The following ULK2 variants were observed in gnomAD, a reference collection of about 807,000 sequenced individuals.
The protein encoded by ULK2 is serine/threonine-protein kinase ULK2.
ULK2 carries 76 observed loss-of-function variants against 127.5 expected under a neutral mutation model. The ratio of observed to expected loss-of-function variants is 0.60; its 90% CI spans 0.50 to 0.72. The LOEUF (loss-of-function observed/expected upper bound fraction) is 0.72, where lower values mean the gene tolerates loss of function less well. Among genes scored for constraint, ULK2 ranks in the 30% least tolerant of loss-of-function variants. The probability of loss-of-function intolerance (pLI) is 0.00; values close to 1 mark genes in which losing one functional copy is unlikely to be tolerated. For synonymous variants in ULK2, 452 were observed against 461.9 expected (o/e 0.98, Z 0.28); for missense variants, 1,144 against 1,295.9 (o/e 0.88, Z 1.80).
In ULK2 at chr17:19,804,204, G is replaced by A. The variant is rs2152387079; in HGVS notation, c.1295+489C>T. 2.7e-5 allele frequency among the ~76,000 whole-genome samples: 4 copies of A among 149,188 alleles called. No homozygotes were observed. The Admixed American group carries it at 2.7e-4, about 10-fold the overall frequency. ...TCAAGACCAGCCTGGTCAATGTAGT[G>A]AGACCCCGTCTCTAAAAGCACAAAA... On this transcript the variant is annotated intron_variant, in intron 15 of 26. Coordinates refer to ENST00000395544, the MANE Select transcript of ULK2 (RefSeq NM_014683.4).
intron 25 of ULK2, among the ~76,000 whole-genome samples, chr17:19,780,193 A>G (rs1043149081): frequency 1.3e-5 from 2 of 152,036 alleles, no homozygotes; most frequent in Non-Finnish European, 2.9e-5. Flanking sequence ...AAAAAGAAAA[A>G]AAAAAGATTA....
chr17:19,787,718 T>C (rs983720493), intron 20 of ULK2, among the ~76,000 whole-genome samples: 2 of 152,122 alleles, frequency 1.3e-5, no homozygotes, highest in African/African-American at 4.8e-5. Context: ...TCCCAAAAAT[T>C]TGCACACAAT....
chr17:19,780,506 G>A lies in ULK2; in HGVS notation c.2882C>T (p.Ala961Val), dbSNP rs758211181. 2 of 1,613,304 alleles carry A rather than the reference G, an allele frequency of 1.2e-6. No homozygotes were observed. The highest frequency in any genetic ancestry group is 3.3e-5 in the Admixed American group (2 of 59,896). ...AGCACAATTATAGATGAGTTTCTCT[G>A]CAGTCACACTGTTGATTTCATCAAT... ...RFIDEINSVT[A>V]EKLIYNCAVE... is the part of the protein sequence containing the mutation. The change falls in exon 25 of 27, where the codon GCA becomes GTA. Residue 961 changes from alanine (A) to valine (V), a missense_variant. Coordinates refer to ENST00000395544, the MANE Select transcript of ULK2 (RefSeq NM_014683.4).
At chr17:19,865,857 G>C (rs369723646) in intron 1 of ULK2, 29 bp from the exon 2 acceptor site, 8 of 1,339,230 alleles carry the variant, frequency 6.0e-6, no homozygotes, top group African/African-American at 5.9e-5. Context: ...GTTACTCCTA[G>C]ATACCATTCC....
intron 5 of ULK2, 100 bp from the exon 6 acceptor site, chr17:19,847,010 G>T: frequency 9.1e-7 from 1 of 1,098,436 alleles, no homozygotes; most frequent in Non-Finnish European, 1.2e-6. Flanking sequence ...AGCATGAAGG[G>T]AATGAGGAAT....
intron 10 of ULK2, among the ~76,000 whole-genome samples, chr17:19,829,975 A>G (rs1452049754): frequency 1.3e-5 from 2 of 152,192 alleles, no homozygotes; most frequent in African/African-American, 2.4e-5. Flanking sequence ...AGATTTGTAC[A>G]ATAATAGTTG....
chr17:19,858,542 T>C (rs1458709695), intron 3 of ULK2, among the ~76,000 whole-genome samples: 11 of 152,060 alleles, frequency 7.2e-5, no homozygotes, highest in African/African-American at 2.7e-4. Flanking sequence ...GCTCAAGAAA[T>C]ACTAGTCACA....
chr17:19,795,542 T>A (rs775605695), intron 20 of ULK2, 80 bp downstream of exon 20: 1 of 1,149,804 alleles, frequency 8.7e-7, no homozygotes, highest in Non-Finnish European at 1.3e-6. Context: ...AAGCATGTGA[T>A]GATTTGTTAC....
chr17:19,781,779 A>G, intron 23 of ULK2, 110 bp downstream of exon 23: 1 of 1,265,234 alleles, frequency 7.9e-7, no homozygotes, highest in East Asian at 2.4e-5. Context: ...TGAGACTCCT[A>G]GCTTTTAATA....
At chr17:19,821,305 T>C (rs2041136893) in intron 12 of ULK2, among the ~76,000 whole-genome samples, 1 of 152,178 alleles carries the variant, frequency 6.6e-6, no homozygotes, top group Non-Finnish European at 1.5e-5. Context: ...AGACTCTGTC[T>C]CAAAAAAATC....
intron 17 of ULK2, among the ~76,000 whole-genome samples, 173 bp downstream of exon 17, chr17:19,799,322 T>C (rs1247785580): frequency 6.6e-6 from 1 of 151,620 alleles, no homozygotes; most frequent in Non-Finnish European, 1.5e-5. Context: ...CAAAAGGAGG[T>C]AGTAGATTAG....
intron 6 of ULK2, among the ~76,000 whole-genome samples, chr17:19,845,790 C>T (rs768161606): frequency 1.3e-5 from 2 of 152,024 alleles, no homozygotes; most frequent in East Asian, 1.9e-4. Flanking sequence ...GAGATCCCTA[C>T]GTCAAAAGCC....
At position 19,867,446 on chromosome 17, in the gene ULK2, G is replaced by T. The variant is rs373948426; in HGVS notation, c.-29C>A. On this transcript the variant is annotated 5_prime_UTR_variant, in exon 1 of 27. Transcript: ENST00000395544. ...CGCGCCCCCGGGGCACACAGCGGAC[G>T]GGCGGGCGGCGCAGTGCGGCGCAGG... 5 of 1,576,510 alleles carry T rather than the reference G, an allele frequency of 3.2e-6. No homozygotes were observed. Among genetic ancestry groups the T allele is most frequent in the Admixed American group, 1.8e-5 (1 of 56,720 alleles).
intron 5 of ULK2, among the ~76,000 whole-genome samples, chr17:19,847,516 T>C (rs141338147): frequency 6.6e-6 from 1 of 152,312 alleles, no homozygotes; most frequent in Non-Finnish European, 1.5e-5. Context: ...AGAGGTGATA[T>C]GAACATTATT....
intron 15 of ULK2, among the ~76,000 whole-genome samples, chr17:19,803,484 G>A (rs1157819815): frequency 1.3e-5 from 2 of 152,102 alleles, no homozygotes; most frequent in Non-Finnish European, 2.9e-5. Flanking sequence ...TCAATGTAAT[G>A]AAAAAAGCAA....
At chr17:19,820,193 C>T (rs944783768) in intron 12 of ULK2, among the ~76,000 whole-genome samples, 4 of 151,872 alleles carry the variant, frequency 2.6e-5, no homozygotes, top group Non-Finnish European at 5.9e-5. Flanking sequence ...GAACTACAGG[C>T]GCGCCCCACC....
At chr17:19,777,850 A>G (rs1364180418) in intron 25 of ULK2, 134 bp from the exon 26 acceptor site, 1 of 1,123,236 alleles carries the variant, frequency 8.9e-7, no homozygotes, top group Non-Finnish European at 1.2e-6. Flanking sequence ...CTGCAAAACT[A>G]CATAAAACTC....
chr17:19,858,047 C>A (rs1005485242), intron 3 of ULK2, among the ~76,000 whole-genome samples: 1 of 152,032 alleles, frequency 6.6e-6, no homozygotes, highest in Non-Finnish European at 1.5e-5. Flanking sequence ...TTTCCTAGGC[C>A]CCATATTGTT....
chr17:19,829,958 G>A (rs2041397660), intron 10 of ULK2, among the ~76,000 whole-genome samples: 1 of 152,070 alleles, frequency 6.6e-6, no homozygotes, highest in African/African-American at 2.4e-5. Context: ...CAACTGAAGT[G>A]AGAAAGAGAT....
Sources: allele counts gnomAD v4.1 joint callset (sites outside exome capture counted in the v4.1 genomes callset), GRCh38; gene constraint gnomAD v4.1.1; transcripts MANE v1.5; gene names NCBI Gene and HGNC (gene_info 2026-07-23, HGNC 2026-07-21).